Variants in PLOD2 observed in about 807,000 individuals in gnomAD.
PLOD2 encodes the protein lysine hydroxylase 2.
A neutral mutation model predicts 101.0 loss-of-function variants in PLOD2; 65 were observed. The observed-to-expected ratio is 0.64, with a 90% CI of 0.53 to 0.79. PLOD2 has a LOEUF of 0.79. PLOD2 is among the 30% of genes least tolerant of loss of function. PLOD2 has a pLI of 0.00. For missense variants in PLOD2, 909 were observed against 914.6 expected (o/e 0.99, Z 0.08); for synonymous variants, 314 against 302.9 (o/e 1.04, Z -0.38).
chr3:146,084,642 T>A (rs1936692002), intron 11 of PLOD2, among the ~76,000 whole-genome samples: 1 of 152,156 alleles, frequency 6.6e-6, no homozygotes, highest in African/African-American at 2.4e-5. Context: ...AGTATCATTG[T>A]AAGCTGATAT....
At chr3:146,096,888 GGGA>G (rs1164269289) in intron 7 of PLOD2, among the ~76,000 whole-genome samples, 3 of 90,606 alleles carry the variant, frequency 3.3e-5, no homozygotes, top group African/African-American at 1.3e-4. Flanking sequence ...GGTGGGGGGG[GGGA>G]GTCGGCCAGC....
Position 146,071,170 on chromosome 3 carries a change from G to A in PLOD2, c.1996-3C>T. The A allele has an allele frequency of 1.2e-6, 2 of 1,611,002 alleles. No homozygotes were observed. The highest frequency in any genetic ancestry group is 1.7e-6 in the Non-Finnish European group (2 of 1,178,152). On this transcript the variant is annotated splice_polypyrimidine_tract_variant and splice_region_variant and intron_variant, in intron 18 of 19. Coordinates refer to ENST00000282903, the MANE Select transcript of PLOD2 (RefSeq NM_182943.3). ...ACAAAATTCAGTAGTGCAAATCCCT[G>A]AAAAAGCAAAGTAAGCCAGTGGATT... is the stretch of plus-strand genomic sequence containing the variant.
At chr3:146,137,818 G>T (rs1039043511) in intron 1 of PLOD2, among the ~76,000 whole-genome samples, 3 of 151,984 alleles carry the variant, frequency 2.0e-5, no homozygotes, top group African/African-American at 7.3e-5. Context: ...ACCATCCTAG[G>T]TATGCCAAAT....
At chr3:146,090,268 T>A (rs1311791596) in intron 8 of PLOD2, among the ~76,000 whole-genome samples, 1 of 151,440 alleles carries the variant, frequency 6.6e-6, no homozygotes, top group Non-Finnish European at 1.5e-5. Flanking sequence ...CCTACACAAT[T>A]TTAATTTTTA....
At chr3:146,100,805 A>G (rs959237206) in intron 7 of PLOD2, among the ~76,000 whole-genome samples, 8 of 152,158 alleles carry the variant, frequency 5.3e-5, no homozygotes, top group Non-Finnish European at 1.2e-4. Context: ...CTTGTATGAC[A>G]AGTTGAGGAT....
intron 3 of PLOD2, among the ~76,000 whole-genome samples, chr3:146,120,677 C>T (rs991722650): frequency 3.9e-5 from 6 of 152,112 alleles, no homozygotes; most frequent in Admixed American, 2.6e-4. Flanking sequence ...TCAGAGCGAA[C>T]GGGCAACCTA....
chr3:146,083,774 C>T (rs957284900), intron 11 of PLOD2, among the ~76,000 whole-genome samples: 3 of 151,322 alleles, frequency 2.0e-5, no homozygotes, highest in East Asian at 1.9e-4. Flanking sequence ...GTAGAGATGG[C>T]GTTTCACTGT....
intron 15 of PLOD2, 150 bp downstream of exon 15, chr3:146,076,632 G>C (rs145568770): frequency 3.6e-6 from 2 of 560,468 alleles, no homozygotes; most frequent in African/African-American, 1.9e-5. Context: ...ATTCTGACTG[G>C]TGTGAGACAG....
intron 15 of PLOD2, chr3:146,076,383 T>C (rs1936335502): frequency 6.2e-6 from 1 of 160,470 alleles, no homozygotes; most frequent in South Asian, 1.8e-4. Context: ...TCTTTGCTAC[T>C]GTGAATAGTG....
chr3:146,126,490 A>G (rs976656902), intron 1 of PLOD2, among the ~76,000 whole-genome samples: 1 of 152,184 alleles, frequency 6.6e-6, no homozygotes, highest in African/African-American at 2.4e-5. Context: ...AGATTTCACT[A>G]CCATTTATGC....
At chr3:146,092,002 T>C (rs1207693652) in intron 7 of PLOD2, 101 bp from the exon 8 acceptor site, 1 of 706,730 alleles carries the variant, frequency 1.4e-6, no homozygotes, top group East Asian at 2.7e-5. Context: ...CTGCAGCAGG[T>C]ATATTCCTTT....
chr3:146,143,317 TGTAGA>T (rs2031618121), intron 1 of PLOD2, among the ~76,000 whole-genome samples: 1 of 151,496 alleles, frequency 6.6e-6, no homozygotes. Context: ...AAAAAAAGCA[TGTAGA>T]GTATATACTC....
chr3:146,084,467 C>T (rs1435815315), intron 11 of PLOD2, among the ~76,000 whole-genome samples: 2 of 152,112 alleles, frequency 1.3e-5, no homozygotes, highest in Non-Finnish European at 2.9e-5. Flanking sequence ...ATCATTCTAA[C>T]ATTTCACCCG....
chr3:146,105,455 T>C (rs1203553741), intron 5 of PLOD2, among the ~76,000 whole-genome samples: 1 of 152,164 alleles, frequency 6.6e-6, no homozygotes, highest in Non-Finnish European at 1.5e-5. Flanking sequence ...CACCAAACAC[T>C]TGAACAATGA....
intron 11 of PLOD2, among the ~76,000 whole-genome samples, chr3:146,082,983 A>G (rs1351438085): frequency 6.6e-6 from 1 of 152,214 alleles, no homozygotes; most frequent in East Asian, 1.9e-4. Flanking sequence ...ACTATTAATC[A>G]GAAACACATG....
At chr3:146,106,778 C>T in intron 4 of PLOD2, 134 bp from the exon 5 acceptor site, 1 of 696,556 alleles carries the variant, frequency 1.4e-6, no homozygotes, top group Non-Finnish European at 2.6e-6. Flanking sequence ...TTTCACAGCT[C>T]ACCATGAAAG....
At chr3:146,160,615 G>T (rs1236907723) in intron 1 of PLOD2, among the ~76,000 whole-genome samples, 1 of 152,130 alleles carries the variant, frequency 6.6e-6, no homozygotes, top group African/African-American at 2.4e-5. Flanking sequence ...AGTCCAAAAG[G>T]AAACTCCAAC....
At chr3:146,083,251 A>G (rs1576578661) in intron 11 of PLOD2, among the ~76,000 whole-genome samples, 1 of 152,350 alleles carries the variant, frequency 6.6e-6, no homozygotes, top group East Asian at 1.9e-4. Flanking sequence ...ATATTATTAT[A>G]CAATTTAAGG....
intron 3 of PLOD2, among the ~76,000 whole-genome samples, chr3:146,111,810 G>A (rs753611166): frequency 7.3e-5 from 11 of 151,292 alleles, no homozygotes; most frequent in Non-Finnish European, 1.3e-4. Flanking sequence ...CGGATTTAAC[G>A]GTGATATTTT....
Sources: allele counts gnomAD v4.1 joint callset (sites outside exome capture counted in the v4.1 genomes callset), GRCh38; gene constraint gnomAD v4.1.1; transcripts MANE v1.5; gene names NCBI Gene and HGNC (gene_info 2026-07-23, HGNC 2026-07-21).